SEH1L: variants seen among roughly 807,000 people sequenced by gnomAD.
The protein encoded by SEH1L is nucleoporin SEH1.
In SEH1L, 18 loss-of-function variants were observed where a neutral mutation model predicts 49.5. The ratio of observed to expected loss-of-function variants is 0.36; its 90% CI spans 0.25 to 0.54. SEH1L has a LOEUF of 0.54. SEH1L is among the 20% of genes least tolerant of loss of function. The pLI, the probability that SEH1L is intolerant of heterozygous loss-of-function variation, is 0.87. For missense variants in SEH1L, 404 were observed against 528.8 expected (o/e 0.76, Z 2.31); for synonymous variants, 169 against 178.1 (o/e 0.95, Z 0.41).
chr18:12,955,621 A>G lies in SEH1L; in HGVS notation c.309+12A>G, dbSNP rs1261669756. On this transcript the variant is annotated intron_variant, in intron 3 of 8. Coordinates refer to ENST00000399892, the MANE Select transcript of SEH1L (RefSeq NM_001013437.2). ...GACAGAGCCACTGGGTGAGACATTT[A>G]TTAGTATTCTGGGGACCGGGAAGAC... The G allele has an allele frequency of 1.2e-6, 2 of 1,613,510 alleles. No homozygotes were observed. Among genetic ancestry groups the G allele is most frequent in the African/African-American group, 1.3e-5 (1 of 74,906 alleles).
Position 12,987,115 on chromosome 18 carries a change from GGCT to G in SEH1L, c.*62_*64del. 1.6e-6 allele frequency: 2 copies of G among 1,261,320 alleles called. No individual in the cohort carries two copies. The highest frequency in any genetic ancestry group is 1.1e-6 in the Non-Finnish European group (1 of 917,348). The allele number at this position is 1,261,320 out of a possible 1,614,324, so 78.1% of individuals were successfully genotyped here. Reference sequence around the variant, plus strand: ...AGTGCTTGTAAATGCTTTCATTTCTGGCTGCTTTTTGTTTTTCATTTTCTTTCA... The same window carrying G: ...AGTGCTTGTAAATGCTTTCATTTCTGGCTTTTTGTTTTTCATTTTCTTTCA... On this transcript the variant is annotated 3_prime_UTR_variant, in exon 9 of 9. Coordinates refer to ENST00000399892, the MANE Select transcript of SEH1L (RefSeq NM_001013437.2).
rs573044326 is a variant in SEH1L at position 12,954,707 on chromosome 18, G to T, written c.163-756G>T. Reference sequence around the variant, plus strand: ...GGTCTTGAACCCCTGGGCTCAAGCAGTCTGCCCACCTCAGCCCCCTAAAGG... The same window carrying T: ...GGTCTTGAACCCCTGGGCTCAAGCATTCTGCCCACCTCAGCCCCCTAAAGG... On this transcript the variant is annotated intron_variant, in intron 2 of 8. Transcript: ENST00000399892. 3.3e-5 allele frequency among the ~76,000 whole-genome samples: 5 copies of T among 152,210 alleles called. No homozygotes were observed. The South Asian group carries it at 1.0e-3, about 32-fold the overall frequency.
At chr18:12,980,043 C>A (rs1290284107) in intron 6 of SEH1L, among the ~76,000 whole-genome samples, 3 of 136,078 alleles carry the variant, frequency 2.2e-5, no homozygotes, top group Non-Finnish European at 3.2e-5. Context: ...CTGACCCCCC[C>A]ACCTCCCTCC....
At chr18:12,984,883 G>T (rs1225169494) in intron 8 of SEH1L, 2 of 174,254 alleles carry the variant, frequency 1.1e-5, no homozygotes, top group African/African-American at 4.8e-5. Context: ...TTGTCCTGTG[G>T]TTATATCCTC....
intron 1 of SEH1L, among the ~76,000 whole-genome samples, chr18:12,951,372 T>C (rs906868818): frequency 1.3e-5 from 2 of 152,166 alleles, no homozygotes; most frequent in African/African-American, 4.8e-5. Flanking sequence ...CTTGGCCCAG[T>C]GCTTGACACA....
In SEH1L at chr18:12,987,068, T is replaced by A; in HGVS notation, c.*11T>A. Reference sequence around the variant, plus strand: ...AATGAAGGGATTTAAAACACTGATTTAACATTGAAAGGCCTTATTCAAGTG... The same window carrying A: ...AATGAAGGGATTTAAAACACTGATTAAACATTGAAAGGCCTTATTCAAGTG... On this transcript the variant is annotated 3_prime_UTR_variant, in exon 9 of 9. Transcript: ENST00000399892. The A allele has an allele frequency of 6.4e-7, 1 of 1,562,904 alleles. No homozygotes were observed. Among genetic ancestry groups the A allele is most frequent in the Non-Finnish European group, 8.7e-7 (1 of 1,143,366 alleles).
At chr18:12,963,464 G>A in intron 4 of SEH1L, 93 bp downstream of exon 4, 1 of 1,018,622 alleles carries the variant, frequency 9.8e-7, no homozygotes, top group South Asian at 1.4e-5. Context: ...TCTCAAAGGT[G>A]CTTCTTCTCA....
chr18:12,981,145 GGGCGGCCGGGCAGAGACGC>G lies in SEH1L; in HGVS notation c.762-1372_762-1354del, dbSNP rs1343393160. On this transcript the variant is annotated intron_variant, in intron 6 of 8. Coordinates refer to ENST00000399892, the MANE Select transcript of SEH1L (RefSeq NM_001013437.2). ...AGATGCTCCCCACATCTCAGATGAT[GGGCGGCCGGGCAGAGACGC>G]TCCTCACTTCCTAGATGGGATGGCG... Among the ~76,000 whole-genome samples the G allele has an allele frequency of 5.9e-5, 9 of 151,990 alleles. No individual in the cohort carries two copies. The East Asian group carries it at 1.8e-3, about 30-fold the overall frequency.
intron 6 of SEH1L, among the ~76,000 whole-genome samples, chr18:12,979,719 C>T (rs1156570997): frequency 8.0e-5 from 12 of 149,212 alleles, no homozygotes; most frequent in South Asian, 2.1e-4. Context: ...ACCTCCCTCC[C>T]GGACGGGGCG....
intron 4 of SEH1L, among the ~76,000 whole-genome samples, chr18:12,965,308 A>G (rs914212838): frequency 1.3e-5 from 2 of 152,196 alleles, no homozygotes; most frequent in Non-Finnish European, 2.9e-5. Context: ...CACCTCGCCC[A>G]GTCCATTTCC....
intron 5 of SEH1L, chr18:12,972,355 T>C (rs939617537): frequency 6.6e-6 from 1 of 152,196 alleles, no homozygotes; most frequent in Non-Finnish European, 1.5e-5. Context: ...GATAAGGAAC[T>C]CTGGGAACAA....
At chr18:12,962,671 C>T (rs1010570824) in intron 3 of SEH1L, among the ~76,000 whole-genome samples, 1 of 150,404 alleles carries the variant, frequency 6.6e-6, no homozygotes, top group Non-Finnish European at 1.5e-5. Flanking sequence ...CGGTGTCTTG[C>T]CATGTAGCCC....
intron 1 of SEH1L, among the ~76,000 whole-genome samples, chr18:12,949,782 A>C (rs1408254894): frequency 6.6e-6 from 1 of 152,004 alleles, no homozygotes; most frequent in Non-Finnish European, 1.5e-5. Context: ...TGTAGAATTC[A>C]GTGGCATAGA....
intron 3 of SEH1L, among the ~76,000 whole-genome samples, chr18:12,961,223 TC>T (rs1392352896): frequency 2.1e-4 from 32 of 152,172 alleles, no homozygotes; most frequent in African/African-American, 7.5e-4. Context: ...AGGTCATAGA[TC>T]AGTTAAGCTC....
In SEH1L at chr18:12,986,989, T is replaced by C; in HGVS notation, c.1198T>C (p.Tyr400His). 6.2e-7 allele frequency: 1 copy of C among 1,613,976 alleles called. No homozygotes were observed. The highest frequency in any genetic ancestry group is 8.5e-7 in the Non-Finnish European group (1 of 1,179,894). The change falls in exon 9 of 9, where the codon TAT (tyrosine) becomes CAT (histidine). Residue 400 changes from tyrosine (Y) to histidine (H), a missense_variant. Tyr to His is a moderately conservative substitution (Grantham distance 83). This residue lies in a region of SEH1L where 342 missense variants were observed against 430.8 expected (regional missense o/e 0.79). Transcript: ENST00000399892. ...SCDADTANLQ[Y>H]PHPRRRYLSR... ...CGATGCTGACACTGCCAACCTCCAG[T>C]ATCCTCACCCTCGCAGACGATATCT...
In SEH1L at chr18:12,987,007, C is replaced by A; in HGVS notation, c.1216C>A (p.Arg406=). 1 of 1,613,430 alleles carries A rather than the reference C, an allele frequency of 6.2e-7. No homozygotes were observed. The highest frequency in any genetic ancestry group is 8.5e-7 in the Non-Finnish European group (1 of 1,179,622). ...CCTCCAGTATCCTCACCCTCGCAGA[C>A]GATATCTCTCTCGGCCTCTTAATCC... The part of the protein sequence containing the change: ...ANLQYPHPRR[R]YLSRPLNPLP... The change falls in exon 9 of 9, where the codon CGA becomes AGA. Residue 406 remains arginine, a synonymous_variant. Transcript: ENST00000399892.
intron 3 of SEH1L, among the ~76,000 whole-genome samples, chr18:12,962,664 T>G (rs11876664): frequency 6.7e-6 from 1 of 149,284 alleles, no homozygotes; most frequent in African/African-American, 2.5e-5. Context: ...GTAGAGACGG[T>G]GTCTTGCCAT....
intron 8 of SEH1L, chr18:12,986,039 CT>C (rs771851777): frequency 3.1e-5 from 30 of 973,948 alleles, no homozygotes; most frequent in Non-Finnish European, 3.7e-5. Flanking sequence ...GCTTAGCTTC[CT>C]TCAAATCAAA....
rs201281839 is a variant in SEH1L at position 12,954,764 on chromosome 18, GGT to G, written c.163-698_163-697del. Among the ~76,000 whole-genome samples, 1,398 of 152,236 alleles carry G rather than the reference GGT, an allele frequency of 9.2e-3. 22 individuals carry two copies. The highest frequency in any genetic ancestry group is 0.037 in the East Asian group (194 of 5,176). ...AAGACAGGCGTGAGCCACTATGCCT[GGT>G]TGAATCAAATGAAAAAAAAGTATTT... On this transcript the variant is annotated intron_variant, in intron 2 of 8. Coordinates refer to ENST00000399892, the MANE Select transcript of SEH1L (RefSeq NM_001013437.2).
Sources: allele counts gnomAD v4.1 joint callset (sites outside exome capture counted in the v4.1 genomes callset), GRCh38; gene constraint gnomAD v4.1.1; regional missense constraint gnomAD v4.1.1; transcripts MANE v1.5; gene names NCBI Gene and HGNC (gene_info 2026-07-23, HGNC 2026-07-21).